NUP153: variants seen among roughly 807,000 people sequenced by gnomAD.
NUP153 encodes nuclear pore complex protein Nup153.
In NUP153, 27 loss-of-function variants were observed where a neutral mutation model predicts 134.6. The ratio of observed to expected loss-of-function variants is 0.20; its 90% CI spans 0.15 to 0.28. NUP153 has a LOEUF of 0.28. Ranked by LOEUF, NUP153 falls within the 10% of genes least tolerant of loss-of-function variation. The pLI is 1.00. For synonymous variants in NUP153, 640 were observed against 623.5 expected (o/e 1.03, Z -0.40); for missense variants, 1,821 against 1,731.3 (o/e 1.05, Z -0.92).
At chr6:17,701,504 A>G (rs1346464920) in intron 1 of NUP153, among the ~76,000 whole-genome samples, 1 of 151,702 alleles carries the variant, frequency 6.6e-6, no homozygotes, top group Admixed American at 6.6e-5. Flanking sequence ...TCTACTAAAA[A>G]TACAAAAATT....
Position 17,686,802 on chromosome 6 carries a change from T to C in NUP153, c.334+1594A>G, listed in dbSNP as rs1284326439. ...ATCAGGTGAGTTGGGGGTAGGAAGGTAGGGAAATAGGCGTGCGAATAGAGT... is the reference window on the plus strand; with the variant it reads ...ATCAGGTGAGTTGGGGGTAGGAAGGCAGGGAAATAGGCGTGCGAATAGAGT... On this transcript the variant is annotated intron_variant, in intron 2 of 21. Coordinates refer to ENST00000262077, the MANE Select transcript of NUP153 (RefSeq NM_005124.4). Among the ~76,000 whole-genome samples, 5 of 148,034 alleles carry C rather than the reference T, an allele frequency of 3.4e-5. No homozygotes were observed. In the East Asian group the frequency reaches 6.0e-4, roughly 18 times the overall value.
Position 17,632,855 on chromosome 6 carries a change from A to AAG in NUP153, c.2465-12_2465-11insCT. ...CAGGTACTGAACTTCCTAAAAAAAA[A>AAG]AAAAAAAACGGGGAGTGGGGGGAGA... is the stretch of plus-strand genomic sequence containing the variant. On this transcript the variant is annotated splice_polypyrimidine_tract_variant and intron_variant, in intron 16 of 21. Transcript: ENST00000262077. The AAG allele has an allele frequency of 6.5e-7, 1 of 1,544,994 alleles. No individual in the cohort carries two copies. The highest frequency in any genetic ancestry group is 8.7e-7 in the Non-Finnish European group (1 of 1,155,282).
chr6:17,661,858 A>G, intron 10 of NUP153, 79 bp from the exon 11 acceptor site: 3 of 796,554 alleles, frequency 3.8e-6, no homozygotes, highest in Non-Finnish European at 5.3e-6. Flanking sequence ...GCTAACAAGT[A>G]AAAAAAAAAT....
intron 14 of NUP153, among the ~76,000 whole-genome samples, chr6:17,642,876 A>G (rs1272797285): frequency 6.6e-6 from 1 of 152,252 alleles, no homozygotes. Context: ...GTATTGAGAC[A>G]TAAGAACCTT....
In NUP153 at chr6:17,625,470, C is replaced by G. The variant is rs1207126754; in HGVS notation, c.3901+338G>C. On this transcript the variant is annotated intron_variant, in intron 19 of 21. Coordinates refer to ENST00000262077, the MANE Select transcript of NUP153 (RefSeq NM_005124.4). The surrounding 1 kb of genome is among the most constrained non-coding windows in gnomAD (Gnocchi z 4.7). Reference sequence around the variant, plus strand: ...GCTTGAACTCGGGAGAGGCAGGTTGCAGTGAGCTGAGATTGCACCACTGCA... The same window carrying G: ...GCTTGAACTCGGGAGAGGCAGGTTGGAGTGAGCTGAGATTGCACCACTGCA... Among the ~76,000 whole-genome samples, 5 of 152,090 alleles carry G rather than the reference C, an allele frequency of 3.3e-5. No homozygotes were observed.
rs1764863150 is a variant in NUP153 at position 17,625,147 on chromosome 6, T to C, written c.3902-314A>G. 1.3e-5 allele frequency among the ~76,000 whole-genome samples: 2 copies of C among 152,178 alleles called. No homozygotes were observed. The highest frequency in any genetic ancestry group is 6.5e-5 in the Admixed American group (1 of 15,276). ...ACCAGAAATTTAATGTGTGCAGAAA[T>C]TGCCTCATGATGTGCATATATACAT... On this transcript the variant is annotated intron_variant, in intron 19 of 21. Transcript: ENST00000262077. This position sits in a 1 kb window ranked among gnomAD's most constrained non-coding sequence, Gnocchi z 4.7.
In NUP153 at chr6:17,687,221, C is replaced by A. The variant is rs568381895; in HGVS notation, c.334+1175G>T. Among the ~76,000 whole-genome samples, 25 of 152,226 alleles carry A rather than the reference C, an allele frequency of 1.6e-4. 1 individual carries two copies. The South Asian group carries it at 5.0e-3, about 30-fold the overall frequency. ...ATATGCTCATTAGGATAGAAAAGAT[C>A]ATTTCTACAGCTATCTTAGAAGACA... is the stretch of plus-strand genomic sequence containing the variant. On this transcript the variant is annotated intron_variant, in intron 2 of 21. Coordinates refer to ENST00000262077, the MANE Select transcript of NUP153 (RefSeq NM_005124.4).
chr6:17,616,283 G>GC lies in NUP153; in HGVS notation c.4344-103_4344-102insG, dbSNP rs1437332350. The GC allele has an allele frequency of 2.8e-5, 12 of 430,128 alleles. 1 individual carries two copies. The highest frequency in any genetic ancestry group is 1.4e-4 in the South Asian group (6 of 44,062). 26.6% of individuals were successfully genotyped at this position (430,128 alleles called of 1,614,324 possible). A position where few individuals can be genotyped will look rare whatever the true frequency, so the allele number is the denominator to read the frequency against. Reference sequence around the variant, plus strand: ...AGCACAAGGGTAAGGGGGGTCGGGTGGGGGGGGAGTAGACTCACATTGGTA... The same window carrying GC: ...AGCACAAGGGTAAGGGGGGTCGGGTGCGGGGGGGAGTAGACTCACATTGGTA... On this transcript the variant is annotated intron_variant, in intron 21 of 21. Coordinates refer to ENST00000262077, the MANE Select transcript of NUP153 (RefSeq NM_005124.4).
chr6:17,615,745 C>T lies in NUP153; in HGVS notation c.*352G>A, dbSNP rs964798290. 1.2e-4 allele frequency: 22 copies of T among 182,590 alleles called. No individual in the cohort carries two copies. The highest frequency in any genetic ancestry group is 2.3e-4 in the Non-Finnish European group (20 of 88,116). The allele number at this position is 182,590 out of a possible 1,614,324, so 11.3% of individuals were successfully genotyped here. A position where few individuals can be genotyped will look rare whatever the true frequency, so the allele number is the denominator to read the frequency against. On this transcript the variant is annotated 3_prime_UTR_variant, in exon 22 of 22. Transcript: ENST00000262077. The surrounding 1 kb of genome is among the most constrained non-coding windows in gnomAD (Gnocchi z 5.7). ...TTACAATTTCAACGCGTTCCATGAA[C>T]GCTTATCAGCGCACATAATGGTGTA...
chr6:17,644,874 A>G (rs1207455799), intron 14 of NUP153, among the ~76,000 whole-genome samples: 1 of 152,154 alleles, frequency 6.6e-6, no homozygotes, highest in Non-Finnish European at 1.5e-5. Flanking sequence ...TCACGAGGTT[A>G]GGAGATCGAG....
intron 2 of NUP153, among the ~76,000 whole-genome samples, chr6:17,685,302 CTT>C (rs1279495090): frequency 6.6e-6 from 1 of 152,138 alleles, no homozygotes; most frequent in Non-Finnish European, 1.5e-5. Context: ...AATCCCAACA[CTT>C]TGGGAGGCTG....
At chr6:17,688,137 G>GA (rs912546736) in intron 2 of NUP153, among the ~76,000 whole-genome samples, 1 of 151,488 alleles carries the variant, frequency 6.6e-6, no homozygotes, top group Admixed American at 6.6e-5. Context: ...AAAAAAGAAA[G>GA]AAAAAAAGAA....
At chr6:17,703,389 T>G (rs904947984) in intron 1 of NUP153, among the ~76,000 whole-genome samples, 1 of 151,968 alleles carries the variant, frequency 6.6e-6, no homozygotes, top group African/African-American at 2.4e-5. Flanking sequence ...AAACATCCAT[T>G]AACTAACAGC....
At chr6:17,631,177 ATACC>A (rs1276133616) in intron 17 of NUP153, among the ~76,000 whole-genome samples, 1 of 152,210 alleles carries the variant, frequency 6.6e-6, no homozygotes, top group African/African-American at 2.4e-5. Flanking sequence ...AAAACAGAAA[ATACC>A]AGGGAACCTT....
chr6:17,662,642 T>TA (rs901060730), intron 9 of NUP153, among the ~76,000 whole-genome samples: 16 of 152,324 alleles, frequency 1.1e-4, no homozygotes, highest in Admixed American at 5.9e-4. Context: ...ACAAAATACT[T>TA]ATTCATTACG....
Position 17,631,492 on chromosome 6 carries a change from T to C in NUP153, c.2659+1158A>G, listed in dbSNP as rs534219207. On this transcript the variant is annotated intron_variant, in intron 17 of 21. Transcript: ENST00000262077. ...ATTGTGCCCATTAATTAATTTCTCATCATCTACCCCCCATCCCATCCTCTC... is the reference window on the plus strand; with the variant it reads ...ATTGTGCCCATTAATTAATTTCTCACCATCTACCCCCCATCCCATCCTCTC... Among the ~76,000 whole-genome samples, 10 of 152,332 alleles carry C rather than the reference T, an allele frequency of 6.6e-5. No individual in the cohort carries two copies. In the South Asian group the frequency reaches 1.2e-3, roughly 19 times the overall value.
intron 9 of NUP153, among the ~76,000 whole-genome samples, chr6:17,663,172 G>A (rs1767295288): frequency 6.6e-6 from 1 of 151,348 alleles, no homozygotes; most frequent in Non-Finnish European, 1.5e-5. Context: ...AAAATGTGAA[G>A]TTCATGAAAT....
In NUP153 at chr6:17,624,737, G is replaced by C; in HGVS notation, c.3998C>G (p.Ala1333Gly). 6.2e-7 allele frequency: 1 copy of C among 1,614,162 alleles called. No individual in the cohort carries two copies. The highest frequency in any genetic ancestry group is 8.5e-7 in the Non-Finnish European group (1 of 1,180,018). ...AAAGCCTGGGGGATTGGGCTGGCTG[G>C]CACCTTGACTTTGTCCAAATGTTGG... ...QTPTFGQSQG[A>G]SQPNPPGFGS... is the part of the protein sequence containing the mutation. The change falls in exon 20 of 22, where the codon GCC (alanine) becomes GGC (glycine). Residue 1333 changes from alanine to glycine, a missense_variant. Coordinates refer to ENST00000262077, the MANE Select transcript of NUP153 (RefSeq NM_005124.4).
intron 20 of NUP153, 70 bp from the exon 21 acceptor site, chr6:17,616,765 T>G: frequency 1.4e-6 from 2 of 1,462,506 alleles, no homozygotes; most frequent in Non-Finnish European, 9.4e-7. Context: ...TTGTTTGTTT[T>G]TTGAGACGGA....
Sources: allele counts gnomAD v4.1 joint callset (sites outside exome capture counted in the v4.1 genomes callset), GRCh38; gene constraint gnomAD v4.1.1; non-coding constraint Gnocchi (gnomAD v3.1); transcripts MANE v1.5; gene names NCBI Gene and HGNC (gene_info 2026-07-23, HGNC 2026-07-21).